The following AP1G1 variants were observed in gnomAD, a reference collection of about 807,000 sequenced individuals.
AP1G1 encodes the protein adaptor related protein complex 1 subunit gamma 1, also known as AP-1 complex subunit gamma-1.
In AP1G1, 7 loss-of-function variants were observed where a neutral mutation model predicts 108.3. That is an observed-to-expected ratio of 0.06 (90% CI 0.04 to 0.12). AP1G1 has a LOEUF of 0.12. AP1G1 is among the 10% of genes least tolerant of loss of function. The pLI, the probability that AP1G1 is intolerant of heterozygous loss-of-function variation, is 1.00. For missense variants in AP1G1, 756 were observed against 1,010.7 expected (o/e 0.75, Z 3.42); for synonymous variants, 379 against 353.5 (o/e 1.07, Z -0.81).
chr16:71,781,791 T>C (rs989699439), intron 2 of AP1G1, among the ~76,000 whole-genome samples: 1 of 152,238 alleles, frequency 6.6e-6, no homozygotes, highest in Non-Finnish European at 1.5e-5. Flanking sequence ...CTGAAATGAA[T>C]ACTCTTATAC....
intron 2 of AP1G1, among the ~76,000 whole-genome samples, chr16:71,779,054 C>G (rs1039300934): frequency 6.6e-6 from 1 of 152,154 alleles, no homozygotes; most frequent in Non-Finnish European, 1.5e-5. Context: ...CTTTTATATC[C>G]AAATTCCACA....
chr16:71,768,993 A>C (rs2031458654), intron 6 of AP1G1, among the ~76,000 whole-genome samples: 1 of 143,538 alleles, frequency 7.0e-6, no homozygotes, highest in Non-Finnish European at 1.5e-5. Context: ...AAAAAAAAAA[A>C]AAAAACAGGC....
chr16:71,742,180 GAACAAAAAGAAAA>G (rs768458050), intron 19 of AP1G1: 1 of 151,850 alleles, frequency 6.6e-6, no homozygotes, highest in African/African-American at 2.4e-5. Context: ...AAGACAGTAG[GAACAAAAAGAAAA>G]GACTCCACAA....
chr16:71,729,827 T>C lies in AP1G1; in HGVS notation c.*3231A>G, dbSNP rs1002000656. On this transcript the variant is annotated 3_prime_UTR_variant, in exon 23 of 23. Coordinates refer to ENST00000299980, the MANE Select transcript of AP1G1 (RefSeq NM_001128.6). ...TCAGTTTAGGACACTGTGGTTAAAA[T>C]ACATTCACTAGAAAAAAATAGACAC... 2.0e-5 allele frequency: 3 copies of C among 152,602 alleles called. No homozygotes were observed. Among genetic ancestry groups the C allele is most frequent in the African/African-American group, 7.2e-5 (3 of 41,436 alleles). The allele number at this position is 152,602 out of a possible 1,614,324, so 9.5% of individuals were successfully genotyped here.
Position 71,801,284 on chromosome 16 carries a change from A to T in AP1G1, c.-4+7479T>A, listed in dbSNP as rs12595884. Among the ~76,000 whole-genome samples, 17 of 151,960 alleles carry T rather than the reference A, an allele frequency of 1.1e-4. No individual in the cohort carries two copies. The East Asian group carries it at 3.3e-3, about 30-fold the overall frequency. On this transcript the variant is annotated intron_variant, in intron 1 of 22. Coordinates refer to ENST00000299980, the MANE Select transcript of AP1G1 (RefSeq NM_001128.6). The stretch of plus-strand genomic sequence containing the variant: ...GACAGGGTAAGACTCCATCTCAAAA[A>T]AAACAAACAAACAAAAAAAAAGAAT...
chr16:71,804,861 T>A (rs1368812362), intron 1 of AP1G1, among the ~76,000 whole-genome samples: 1 of 151,734 alleles, frequency 6.6e-6, no homozygotes, highest in Non-Finnish European at 1.5e-5. Flanking sequence ...CACAAAAAAA[T>A]AATAAATCAG....
Position 71,730,135 on chromosome 16 carries a change from C to T in AP1G1, c.*2923G>A, listed in dbSNP as rs2045463594. 1 of 152,552 alleles carries T rather than the reference C, an allele frequency of 6.6e-6. No individual in the cohort carries two copies. Among genetic ancestry groups the T allele is most frequent in the East Asian group, 1.9e-4 (1 of 5,194 alleles). 9.4% of individuals were successfully genotyped at this position (152,552 alleles called of 1,614,324 possible). ...GAATGTTTCTTTAAATGATAAAGAC[C>T]TTAAAATTAACAGATGATCACTATG... On this transcript the variant is annotated 3_prime_UTR_variant, in exon 23 of 23. Transcript: ENST00000299980.
chr16:71,741,116 A>T (rs2045614430), intron 19 of AP1G1, among the ~76,000 whole-genome samples: 1 of 152,250 alleles, frequency 6.6e-6, no homozygotes, highest in African/African-American at 2.4e-5. Flanking sequence ...AGTAAAATTA[A>T]GAGAATGTAT....
intron 1 of AP1G1, among the ~76,000 whole-genome samples, chr16:71,798,752 G>C (rs942244578): frequency 6.6e-6 from 1 of 151,936 alleles, no homozygotes; most frequent in Non-Finnish European, 1.5e-5. Flanking sequence ...GCCGGGCATG[G>C]TGGCGGGCAC....
At chr16:71,754,203 G>C (rs571990622) in intron 12 of AP1G1, among the ~76,000 whole-genome samples, 90 of 148,634 alleles carry the variant, frequency 6.1e-4, no homozygotes, top group Non-Finnish European at 8.6e-4. Context: ...AGAGAGAAAA[G>C]AAAGAGAAGA....
intron 1 of AP1G1, among the ~76,000 whole-genome samples, chr16:71,794,864 T>TTTTTTTTTTTTTA (rs71153663): frequency 8.2e-6 from 1 of 121,334 alleles, no homozygotes; most frequent in Non-Finnish European, 1.7e-5. Flanking sequence ...TTTTTTTTTT[T>TTTTTTTTTTTTTA]ACTTTGAAAT....
At chr16:71,738,072 G>C (rs2145414276) in intron 21 of AP1G1, among the ~76,000 whole-genome samples, 1 of 152,254 alleles carries the variant, frequency 6.6e-6, no homozygotes, top group African/African-American at 2.4e-5. Context: ...TTTTGAGATG[G>C]AGTCTCGCTC....
chr16:71,761,591 A>C (rs377349545), intron 9 of AP1G1, 24 bp from the exon 10 acceptor site: 52 of 1,554,330 alleles, frequency 3.3e-5, no homozygotes, highest in East Asian at 6.7e-5. Context: ...GCATAGGTCG[A>C]AATTTAGGAA....
intron 21 of AP1G1, among the ~76,000 whole-genome samples, chr16:71,736,384 C>CTTT (rs776717308): frequency 7.4e-6 from 1 of 135,140 alleles, no homozygotes; most frequent in South Asian, 2.3e-4. Context: ...TAAAATATGA[C>CTTT]TTTTTTTTTT....
chr16:71,754,560 G>A (rs1384977765), intron 12 of AP1G1, among the ~76,000 whole-genome samples: 3 of 152,156 alleles, frequency 2.0e-5, no homozygotes, highest in African/African-American at 7.2e-5. Context: ...ACTTTGGGAC[G>A]CCAAGGAGGA....
At chr16:71,768,672 T>G (rs1193503011) in intron 6 of AP1G1, among the ~76,000 whole-genome samples, 1 of 150,436 alleles carries the variant, frequency 6.6e-6, no homozygotes, top group South Asian at 2.1e-4. Flanking sequence ...TCACAGCACT[T>G]TGGGAGGCTG....
chr16:71,761,425 T>C, intron 10 of AP1G1, 87 bp downstream of exon 10: 2 of 939,354 alleles, frequency 2.1e-6, no homozygotes, highest in South Asian at 1.4e-5. Flanking sequence ...ATATGTGACT[T>C]AATACATGTA....
intron 1 of AP1G1, among the ~76,000 whole-genome samples, chr16:71,799,281 G>A (rs948055264): frequency 3.9e-5 from 6 of 152,072 alleles, no homozygotes; most frequent in Admixed American, 6.6e-5. Context: ...TGTTAACCCA[G>A]AATTCCCCCT....
intron 1 of AP1G1, among the ~76,000 whole-genome samples, chr16:71,801,977 TGGATTTTA>T (rs1347280464): frequency 1.3e-5 from 2 of 151,910 alleles, no homozygotes; most frequent in Admixed American, 6.6e-5. Context: ...TTTCAGATTT[TGGATTTTA>T]GGATTAGGGA....
Sources: allele counts gnomAD v4.1 joint callset (sites outside exome capture counted in the v4.1 genomes callset), GRCh38; gene constraint gnomAD v4.1.1; transcripts MANE v1.5; gene names NCBI Gene and HGNC (gene_info 2026-07-23, HGNC 2026-07-21).